NFAM1: variants seen among roughly 807,000 people sequenced by gnomAD.
The protein encoded by NFAM1 is NFAT activating protein with ITAM motif 1.
A neutral mutation model predicts 29.0 loss-of-function variants in NFAM1; 17 were observed. The ratio of observed to expected loss-of-function variants is 0.59; its 90% confidence interval spans 0.40 to 0.88. The LOEUF is 0.88. Ranked by LOEUF, NFAM1 falls within the 40% of genes least tolerant of loss-of-function variation. The probability of loss-of-function intolerance (pLI) is 0.00; values close to 1 mark genes in which losing one functional copy is unlikely to be tolerated. For missense variants in NFAM1, 324 were observed against 344.6 expected, an observed-to-expected ratio of 0.94 and a Z score of 0.47; for synonymous variants, 175 against 147.2, an observed-to-expected ratio of 1.19 and a Z score of -1.36.
At chr22:42,394,121 C>T (rs371881709) in intron 4 of NFAM1, among the ~76,000 whole-genome samples, 23 of 152,268 alleles carry the variant, frequency 1.5e-4, no homozygotes, top group South Asian at 6.2e-4. Context: ...CCGCAACCTC[C>T]GCCTCCCGGG....
chr22:42,437,808 CG>C, the NFAM1 span, among the ~76,000 whole-genome samples: 165 of 152,180 alleles, frequency 1.1e-3, 1 homozygote, highest in African/African-American at 3.7e-3. Flanking sequence ...GTGGGGGTTC[CG>C]GGGGGGTCCG....
At chr22:42,425,912 G>C (rs932771024) in intron 1 of NFAM1, among the ~76,000 whole-genome samples, 1 of 152,114 alleles carries the variant, frequency 6.6e-6, no homozygotes, top group Non-Finnish European at 1.5e-5. Context: ...CACCTTGGGG[G>C]AGAGGGAGGG....
At chr22:42,393,987 G>A (rs1601737311) in intron 4 of NFAM1, among the ~76,000 whole-genome samples, 1 of 151,978 alleles carries the variant, frequency 6.6e-6, no homozygotes, top group East Asian at 1.9e-4. Context: ...TGTCAATTAG[G>A]CCAAGTTTGT....
At chr22:42,436,874 C>A, upstream of NFAM1, 3 of 396,672 alleles carry the variant, frequency 7.6e-6, no homozygotes, top group Non-Finnish European at 1.0e-5. Context: ...CGCTCTCCTG[C>A]AATTCACCTG....
chr22:42,390,798 C>T (rs1929309627), intron 4 of NFAM1, among the ~76,000 whole-genome samples: 1 of 120,604 alleles, frequency 8.3e-6, no homozygotes. Flanking sequence ...GCCTGGGCAA[C>T]AGAGTGAGAC....
At chr22:42,405,468 G>A (rs775568862) in intron 3 of NFAM1, among the ~76,000 whole-genome samples, 23 of 152,158 alleles carry the variant, frequency 1.5e-4, no homozygotes, top group Non-Finnish European at 2.5e-4. Context: ...TGAACAAATC[G>A]AGAGATACCC....
rs117621065 is a variant in NFAM1, at chr22:42,428,795, C to T, written c.121+3442G>A. The stretch of plus-strand genomic sequence containing the variant: ...AGGGGACTGACATTTGCAGAGGACA[C>T]TAAGGTGCAGAGAGGTTAAGTAATT... On this transcript the variant is annotated intron_variant, in intron 1 of 5. Coordinates refer to ENST00000329021, the MANE Select transcript of NFAM1 (RefSeq NM_145912.8). Among the ~76,000 whole-genome samples the T allele has an allele frequency of 1.8e-3, 273 of 152,266 alleles. 8 individuals carry two copies. In the East Asian group the frequency reaches 0.048, roughly 27 times the overall value.
At chr22:42,399,748 C>A (rs1929665207) in intron 3 of NFAM1, among the ~76,000 whole-genome samples, 2 of 152,112 alleles carry the variant, frequency 1.3e-5, no homozygotes. Context: ...GGACATCCCC[C>A]CTCATTGCAG....
At chr22:42,412,281 T>G (rs1373968076) in intron 1 of NFAM1, among the ~76,000 whole-genome samples, 1 of 151,512 alleles carries the variant, frequency 6.6e-6, no homozygotes, top group Non-Finnish European at 1.5e-5. Flanking sequence ...TGAGCTTACC[T>G]CTGCAGGTGC....
chr22:42,418,494 C>T (rs1049492211), intron 1 of NFAM1, among the ~76,000 whole-genome samples: 2 of 152,102 alleles, frequency 1.3e-5, no homozygotes, highest in Non-Finnish European at 2.9e-5. Flanking sequence ...AAGTTCAAGA[C>T]CAGCCTGGCC....
In NFAM1 at chr22:42,409,644, A is replaced by G; in HGVS notation, c.452-97T>C. 1.9e-6 allele frequency: 1 copy of G among 539,292 alleles called. No individual in the cohort carries two copies. The highest frequency in any genetic ancestry group is 3.1e-6 in the Non-Finnish European group (1 of 322,622). 33.4% of individuals were successfully genotyped at this position (539,292 alleles called of 1,614,324 possible). On this transcript the variant is annotated intron_variant, in intron 2 of 5. Coordinates refer to ENST00000329021, the MANE Select transcript of NFAM1 (RefSeq NM_145912.8). This position sits in a 1 kb window ranked among gnomAD's most constrained non-coding sequence, Gnocchi z 4.9. ...TCCCTCACTCAGGACCCTGTTTTCA[A>G]TGCTACCCCGCCAACACGCTCCACA... is the stretch of plus-strand genomic sequence containing the variant.
chr22:42,429,047 C>T (rs1930714744), intron 1 of NFAM1, among the ~76,000 whole-genome samples: 2 of 152,284 alleles, frequency 1.3e-5, no homozygotes, highest in South Asian at 2.1e-4. Context: ...GCCCAAGTCC[C>T]GGCTCAAGTG....
chr22:42,424,524 A>G (rs1352978708), intron 1 of NFAM1, among the ~76,000 whole-genome samples: 2 of 152,260 alleles, frequency 1.3e-5, no homozygotes, highest in East Asian at 1.9e-4. Flanking sequence ...TCAGCTGAAC[A>G]GTTCTGCCAC....
intron 1 of NFAM1, among the ~76,000 whole-genome samples, chr22:42,414,667 A>AGT (rs1930199294): frequency 6.6e-6 from 1 of 151,704 alleles, no homozygotes; most frequent in Non-Finnish European, 1.5e-5. Context: ...CAGCACTCAC[A>AGT]GGCCACTGCC....
chr22:42,437,658 A>C, the NFAM1 span, among the ~76,000 whole-genome samples: 1 of 152,148 alleles, frequency 6.6e-6, no homozygotes, highest in Non-Finnish European at 1.5e-5. Flanking sequence ...TGATGGTGCC[A>C]CCTGGTGGTA....
chr22:42,395,847 C>A (rs1601738782), intron 4 of NFAM1, among the ~76,000 whole-genome samples: 1 of 143,278 alleles, frequency 7.0e-6, no homozygotes, highest in South Asian at 2.1e-4. Context: ...CGTGCCACTG[C>A]ACTCCAGCCT....
upstream of NFAM1, chr22:42,432,432 C>T: frequency 3.4e-6 from 5 of 1,460,934 alleles, no homozygotes; most frequent in Non-Finnish European, 3.6e-6. Context: ...TTCCCCTTTG[C>T]TTTCCCCACG....
chr22:42,412,201 T>C (rs1285307645), intron 1 of NFAM1, among the ~76,000 whole-genome samples: 1 of 151,510 alleles, frequency 6.6e-6, no homozygotes, highest in African/African-American at 2.4e-5. Context: ...CACTGCACTC[T>C]AGCCTGGGCG....
At chr22:42,413,557 C>T (rs919848425) in intron 1 of NFAM1, among the ~76,000 whole-genome samples, 1 of 151,940 alleles carries the variant, frequency 6.6e-6, no homozygotes, top group African/African-American at 2.4e-5. Context: ...GGGTGGATTG[C>T]TTGAGGCCTG....
Sources: allele counts gnomAD v4.1 joint callset (sites outside exome capture counted in the v4.1 genomes callset), GRCh38; gene constraint gnomAD v4.1.1; non-coding constraint Gnocchi (gnomAD v3.1); transcripts MANE v1.5; gene names NCBI Gene and HGNC (gene_info 2026-07-23, HGNC 2026-07-21).